The following GRIA1 variants were observed in gnomAD, a reference collection of about 807,000 sequenced individuals.
GRIA1 encodes the protein glutamate ionotropic receptor AMPA type subunit 1.
GRIA1 carries 31 observed loss-of-function variants against 99.2 expected under a neutral mutation model. The ratio of observed to expected loss-of-function variants is 0.31; its 90% CI spans 0.23 to 0.42. The LOEUF (loss-of-function observed/expected upper bound fraction) is 0.42, where lower values mean the gene tolerates loss of function less well. Among genes scored for constraint, GRIA1 ranks in the 10% least tolerant of loss-of-function variants. The probability of loss-of-function intolerance (pLI) is 1.00; values close to 1 mark genes in which losing one functional copy is unlikely to be tolerated. For synonymous variants in GRIA1, 438 were observed against 432.4 expected, an observed-to-expected ratio of 1.01 and a Z score of -0.16; for missense variants, 782 against 1,157.5, an observed-to-expected ratio of 0.68 and a Z score of 4.71.
intron 2 of GRIA1, among the ~76,000 whole-genome samples, chr5:153,497,010 A>G (rs1754502856): frequency 6.6e-6 from 1 of 152,116 alleles, no homozygotes; most frequent in African/African-American, 2.4e-5. Flanking sequence ...CATGCTAGAC[A>G]TGTTAGCAGC....
At chr5:153,593,422 G>A (rs1252693422) in intron 2 of GRIA1, among the ~76,000 whole-genome samples, 1 of 152,094 alleles carries the variant, frequency 6.6e-6, no homozygotes, top group African/African-American at 2.4e-5. Flanking sequence ...TTCAATTTTA[G>A]ATATTAGTTT....
At chr5:153,609,558 T>C (rs1765783074) in intron 2 of GRIA1, among the ~76,000 whole-genome samples, 1 of 50,952 alleles carries the variant, frequency 2.0e-5, no homozygotes, top group Non-Finnish European at 7.2e-5. Context: ...CTCTTTTCTT[T>C]TTTTTTTTTT....
chr5:153,615,873 C>T (rs1315383346), intron 2 of GRIA1, among the ~76,000 whole-genome samples: 1 of 152,124 alleles, frequency 6.6e-6, no homozygotes, highest in Non-Finnish European at 1.5e-5. Flanking sequence ...TTAGTGCAGC[C>T]AGGATTTGAA....
chr5:153,806,453 G>A (rs1405289249), intron 15 of GRIA1, among the ~76,000 whole-genome samples: 3 of 152,098 alleles, frequency 2.0e-5, no homozygotes, highest in African/African-American at 4.8e-5. Flanking sequence ...TTTTAGTAGA[G>A]ATGGGGTTTC....
chr5:153,690,832 C>T (rs13189947), intron 8 of GRIA1, among the ~76,000 whole-genome samples: 14,169 of 152,220 alleles, frequency 0.093, 807 homozygotes, highest in Non-Finnish European at 0.12. Flanking sequence ...TATGGGGGAT[C>T]TGCCTTTCAG....
chr5:153,676,447 A>G (rs1458299627), intron 6 of GRIA1, among the ~76,000 whole-genome samples: 3 of 152,208 alleles, frequency 2.0e-5, no homozygotes, highest in Non-Finnish European at 4.4e-5. Flanking sequence ...TTTACAGGAT[A>G]TAAACTTACC....
At chr5:153,673,704 A>G (rs1419075658) in intron 5 of GRIA1, among the ~76,000 whole-genome samples, 2 of 152,226 alleles carry the variant, frequency 1.3e-5, no homozygotes, top group Non-Finnish European at 2.9e-5. Context: ...AAAAAAGGAT[A>G]AACTGAAATG....
Position 153,686,245 on chromosome 5 carries a change from A to C in GRIA1, c.1050A>C (p.Thr350=), listed in dbSNP as rs765332502. 10 of 1,613,760 alleles carry C rather than the reference A, an allele frequency of 6.2e-6. No individual in the cohort carries two copies. In the East Asian group the frequency reaches 1.8e-4, roughly 29 times the overall value. Residue 350 remains threonine (T), a synonymous_variant, in exon 8 of 16, where the codon ACA becomes ACC. Transcript: ENST00000285900. Reference sequence around the variant, plus strand: ...TCCAGGTGCGATTTGAAGGTTTAACAGGAAACGTGCAGTTTAATGAGAAAG... The same window carrying C: ...TCCAGGTGCGATTTGAAGGTTTAACCGGAAACGTGCAGTTTAATGAGAAAG... ...ALQQVRFEGL[T]GNVQFNEKGR...
At chr5:153,559,339 G>A (rs1760923514) in intron 2 of GRIA1, among the ~76,000 whole-genome samples, 2 of 152,284 alleles carry the variant, frequency 1.3e-5, no homozygotes, top group Middle Eastern at 3.4e-3. Context: ...GCCAGGGAGG[G>A]TGTTTATCAA....
At chr5:153,683,121 C>T (rs1029398440) in intron 7 of GRIA1, among the ~76,000 whole-genome samples, 1 of 152,138 alleles carries the variant, frequency 6.6e-6, no homozygotes, top group East Asian at 1.9e-4. Flanking sequence ...GGGATAAGTG[C>T]CCAGATCCCA....
intron 2 of GRIA1, among the ~76,000 whole-genome samples, chr5:153,511,089 C>T (rs1326131275): frequency 2.0e-5 from 3 of 152,180 alleles, no homozygotes; most frequent in African/African-American, 4.8e-5. Flanking sequence ...ATTTTCCAAA[C>T]TTAGTCCCTC....
In GRIA1 at chr5:153,764,298, T is replaced by A. The variant is rs184164796; in HGVS notation, c.1824-136T>A. ...CTCTAACAACATTTGAATTCTCACA[T>A]CTTGCTGACAGATGAGAAGGGTGCA... is the stretch of plus-strand genomic sequence containing the variant. On this transcript the variant is annotated intron_variant, in intron 11 of 15. Transcript: ENST00000285900. 191 of 661,304 alleles carry A rather than the reference T, an allele frequency of 2.9e-4. 3 individuals carry two copies. The highest frequency in any genetic ancestry group is 4.4e-5 in the Non-Finnish European group (16 of 361,998). 41.0% of individuals were successfully genotyped at this position (661,304 alleles called of 1,614,324 possible).
At chr5:153,705,636 T>A in intron 10 of GRIA1, 61 bp from the exon 11 acceptor site, 1 of 1,407,030 alleles carries the variant, frequency 7.1e-7, no homozygotes, top group Non-Finnish European at 9.2e-7. Flanking sequence ...AACAAGAGAA[T>A]GAAAAGGGCT....
intron 2 of GRIA1, among the ~76,000 whole-genome samples, chr5:153,536,006 C>T (rs1758532233): frequency 6.6e-6 from 1 of 152,168 alleles, no homozygotes; most frequent in Admixed American, 6.5e-5. Context: ...CAGAATCGTC[C>T]TTTTAAAACA....
intron 11 of GRIA1, among the ~76,000 whole-genome samples, chr5:153,724,148 T>A (rs1289681291): frequency 2.0e-5 from 3 of 152,086 alleles, no homozygotes; most frequent in African/African-American, 7.2e-5. Context: ...TCTGGAGTGG[T>A]CCTCTAGCAA....
At chr5:153,558,245 T>C (rs1287321728) in intron 2 of GRIA1, 1 of 152,222 alleles carries the variant, frequency 6.6e-6, no homozygotes, top group Non-Finnish European at 1.5e-5. Flanking sequence ...TATATTTTGG[T>C]ATAATTTACA....
chr5:153,557,864 C>T (rs1760792344), intron 2 of GRIA1: 1 of 152,184 alleles, frequency 6.6e-6, no homozygotes, highest in African/African-American at 2.4e-5. Context: ...ATAACACTGC[C>T]TTCTTCTGGA....
chr5:153,676,797 A>G (rs1353327463), intron 6 of GRIA1, among the ~76,000 whole-genome samples, 197 bp from the exon 7 acceptor site: 3 of 152,192 alleles, frequency 2.0e-5, no homozygotes, highest in Non-Finnish European at 4.4e-5. Context: ...GTCGAGCAGC[A>G]GCACCCATCT....
chr5:153,738,984 A>T (rs574616722), intron 11 of GRIA1, among the ~76,000 whole-genome samples: 3 of 151,394 alleles, frequency 2.0e-5, no homozygotes, highest in African/African-American at 7.3e-5. Context: ...GGCCTCCCAA[A>T]GTGCTGGGAT....
Sources: gnomAD v4.1 joint callset for allele counts (sites outside exome capture counted in the v4.1 genomes callset) on GRCh38, gnomAD v4.1.1 for gene constraint, MANE v1.5 for transcripts, NCBI Gene and HGNC (gene_info 2026-07-23, HGNC 2026-07-21) for gene names.